RB1: variants seen among roughly 807,000 people sequenced by gnomAD.
RB1 encodes the protein retinoblastoma-associated protein.
In RB1, 18 loss-of-function variants were observed where a neutral mutation model predicts 135.4. The ratio of observed to expected loss-of-function variants is 0.13; its 90% CI spans 0.09 to 0.20. The LOEUF (loss-of-function observed/expected upper bound fraction) is 0.20, where lower values mean the gene tolerates loss of function less well. RB1 is among the 10% of genes least tolerant of loss of function. RB1 has a pLI of 1.00. For missense variants in RB1, 868 were observed against 1,110.0 expected (o/e 0.78, Z 3.10); for synonymous variants, 365 against 373.2 (o/e 0.98, Z 0.25).
intron 18 of RB1, 143 bp from the exon 19 acceptor site, chr13:48,456,061 C>A (rs992517197): frequency 5.6e-6 from 8 of 1,427,430 alleles, no homozygotes; most frequent in Admixed American, 2.8e-5. Context: ...ATTAATATAT[C>A]TTTCCCAGCT....
At chr13:48,332,860 T>C (rs1952349480) in intron 2 of RB1, among the ~76,000 whole-genome samples, 1 of 152,200 alleles carries the variant, frequency 6.6e-6, no homozygotes, top group African/African-American at 2.4e-5. Flanking sequence ...ATATATACTA[T>C]GTTTTTTCCT....
chr13:48,329,660 A>G (rs562386635), intron 2 of RB1, among the ~76,000 whole-genome samples: 49 of 152,274 alleles, frequency 3.2e-4, no homozygotes, highest in Non-Finnish European at 6.0e-4. Flanking sequence ...CTCTTATTCC[A>G]ATGCCAACTC....
rs1949535818 is a variant in RB1, at chr13:48,481,051, A to G, written c.*980A>G. ...TTATAGGAGCCTTAATTTTTTTTTC[A>G]TAGAGATTTGTCTAATTGCATCTCA... On this transcript the variant is annotated 3_prime_UTR_variant, in exon 27 of 27. Transcript: ENST00000267163. The G allele has an allele frequency of 4.4e-6, 1 of 229,516 alleles. No individual in the cohort carries two copies. Among genetic ancestry groups the G allele is most frequent in the African/African-American group, 2.2e-5 (1 of 45,064 alleles). 14.2% of individuals were successfully genotyped at this position (229,516 alleles called of 1,614,324 possible). A position where few individuals can be genotyped will look rare whatever the true frequency, so the allele number is the denominator to read the frequency against.
intron 17 of RB1, among the ~76,000 whole-genome samples, chr13:48,395,591 T>A (rs1274635904): frequency 6.6e-6 from 1 of 151,148 alleles, no homozygotes; most frequent in East Asian, 1.9e-4. Context: ...CATACACAAG[T>A]ACCAATAGCT....
At chr13:48,382,047 AGTATATATGTGCCACATATTCCATG>A (rs1948540575) in intron 17 of RB1, among the ~76,000 whole-genome samples, 1 of 152,132 alleles carries the variant, frequency 6.6e-6, no homozygotes, top group South Asian at 2.1e-4. Flanking sequence ...ATGGCTGCAT[AGTATATATGTGCCACATATTCCATG>A]GTATATATGT....
intron 17 of RB1, among the ~76,000 whole-genome samples, chr13:48,443,036 G>A (rs1402736576): frequency 6.6e-6 from 1 of 151,980 alleles, no homozygotes; most frequent in South Asian, 2.1e-4. Context: ...GACATTTTAA[G>A]ACATTTAATT....
At chr13:48,404,484 G>A (rs1444365153) in intron 17 of RB1, among the ~76,000 whole-genome samples, 3 of 151,528 alleles carry the variant, frequency 2.0e-5, no homozygotes, top group Admixed American at 1.3e-4. Flanking sequence ...GGGGGCTTCA[G>A]ATGGAAAGGG....
At chr13:48,406,866 C>T (rs1015199380) in intron 17 of RB1, among the ~76,000 whole-genome samples, 2 of 152,056 alleles carry the variant, frequency 1.3e-5, no homozygotes, top group Non-Finnish European at 2.9e-5. Flanking sequence ...CCAGCCTGGG[C>T]AATATAGCAA....
intron 16 of RB1, among the ~76,000 whole-genome samples, 171 bp from the exon 17 acceptor site, chr13:48,381,076 A>T (rs1948531264): frequency 6.6e-6 from 1 of 152,202 alleles, no homozygotes; most frequent in South Asian, 2.1e-4. Flanking sequence ...TACACTCAAA[A>T]TTGGAAGGCT....
At chr13:48,414,218 G>A (rs980586193) in intron 17 of RB1, among the ~76,000 whole-genome samples, 6 of 151,948 alleles carry the variant, frequency 3.9e-5, no homozygotes, top group South Asian at 2.1e-4. Context: ...GCAATAGTGC[G>A]TGCCTGTAGT....
At chr13:48,311,979 G>A (rs1593417012) in intron 2 of RB1, among the ~76,000 whole-genome samples, 1 of 152,220 alleles carries the variant, frequency 6.6e-6, no homozygotes, top group Non-Finnish European at 1.5e-5. Context: ...GGCATTACAG[G>A]CGTGAGCCAC....
intron 17 of RB1, among the ~76,000 whole-genome samples, chr13:48,385,956 A>G (rs1948568006): frequency 1.3e-5 from 2 of 151,714 alleles, no homozygotes. Flanking sequence ...ACCTAATCCC[A>G]GCATTTTGGG....
chr13:48,474,010 A>G (rs1011036797), intron 24 of RB1, among the ~76,000 whole-genome samples: 6 of 152,320 alleles, frequency 3.9e-5, no homozygotes, highest in African/African-American at 1.4e-4. Flanking sequence ...TTATCAGTTC[A>G]TCATAAAAGA....
At chr13:48,309,754 T>C (rs1219743328) in intron 2 of RB1, among the ~76,000 whole-genome samples, 1 of 152,236 alleles carries the variant, frequency 6.6e-6, no homozygotes, top group East Asian at 1.9e-4. Context: ...TTTGATATAG[T>C]AGTTAGGTTT....
chr13:48,402,451 C>T (rs1037042897), intron 17 of RB1, among the ~76,000 whole-genome samples: 15 of 139,188 alleles, frequency 1.1e-4, no homozygotes, highest in Non-Finnish European at 2.1e-4. Flanking sequence ...AATCATAGCT[C>T]ACTGAAGCCT....
At chr13:48,330,291 G>GC (rs1952321361) in intron 2 of RB1, among the ~76,000 whole-genome samples, 1 of 151,858 alleles carries the variant, frequency 6.6e-6, no homozygotes, top group Non-Finnish European at 1.5e-5. Context: ...GAACAAATAA[G>GC]CCCAAAGTAA....
chr13:48,454,693 G>A (rs1001985743), intron 18 of RB1, among the ~76,000 whole-genome samples: 1 of 152,232 alleles, frequency 6.6e-6, no homozygotes, highest in African/African-American at 2.4e-5. Context: ...AGAATGCTTA[G>A]TGGCACTTTC....
At chr13:48,448,794 T>G (rs566447706) in intron 17 of RB1, among the ~76,000 whole-genome samples, 1 of 152,234 alleles carries the variant, frequency 6.6e-6, no homozygotes, top group Non-Finnish European at 1.5e-5. Flanking sequence ...CTACTTGAAG[T>G]CACTTCATGT....
At chr13:48,409,570 ATTTTTTTTTT>A (rs5803435) in intron 17 of RB1, among the ~76,000 whole-genome samples, 12 of 59,668 alleles carry the variant, frequency 2.0e-4, no homozygotes, top group African/African-American at 3.9e-4. Context: ...GAACTGCTTG[ATTTTTTTTTT>A]TTTTTTTTTT....
Sources: allele counts gnomAD v4.1 joint callset (sites outside exome capture counted in the v4.1 genomes callset), GRCh38; gene constraint gnomAD v4.1.1; transcripts MANE v1.5; gene names NCBI Gene and HGNC (gene_info 2026-07-23, HGNC 2026-07-21).